TMEM132B: variants seen among roughly 807,000 people sequenced by gnomAD.
The protein encoded by TMEM132B is transmembrane protein 132B.
Under a neutral mutation model 90.8 loss-of-function variants are expected in TMEM132B, and 18 were observed. The ratio of observed to expected loss-of-function variants is 0.20; its 90% CI spans 0.14 to 0.29. The LOEUF is 0.29. Among genes scored for constraint, TMEM132B ranks in the 10% least tolerant of loss-of-function variants. The pLI is 1.00. For missense variants in TMEM132B, 1,096 were observed against 1,326.8 expected (o/e 0.83, Z 2.70); for synonymous variants, 504 against 523.3 (o/e 0.96, Z 0.50).
rs1224316180 is a variant in TMEM132B, at chr12:125,406,102, T to A, written c.960-9429T>A. 2.0e-5 allele frequency among the ~76,000 whole-genome samples: 3 copies of A among 152,246 alleles called. No individual in the cohort carries two copies. The highest frequency in any genetic ancestry group is 4.4e-5 in the Non-Finnish European group (3 of 68,038). On this transcript the variant is annotated intron_variant, in intron 2 of 8. Transcript: ENST00000682704. This position sits in a 1 kb window ranked among gnomAD's most constrained non-coding sequence, Gnocchi z 8.3. Reference sequence around the variant, plus strand: ...TTCCACTGTGGGCTGTTTGGTTAACTCAAACGTTAGTAGATATGCTTAACT... The same window carrying A: ...TTCCACTGTGGGCTGTTTGGTTAACACAAACGTTAGTAGATATGCTTAACT...
At position 125,517,326 on chromosome 12, in the gene TMEM132B, GATTTTTTTTTTTTTTTTTTTTT is replaced by G. The variant is rs1173266191; in HGVS notation, c.1107-2112_1107-2091del. On this transcript the variant is annotated intron_variant, in intron 3 of 8. Coordinates refer to ENST00000682704, the MANE Select transcript of TMEM132B (RefSeq NM_001366854.1). Reference sequence around the variant, plus strand: ...CAGGCGCCCGCCACCATGCCCTGCTGATTTTTTTTTTTTTTTTTTTTTTTTTTTTTTTTTTTTTTGCATTTTT... The same window carrying G: ...CAGGCGCCCGCCACCATGCCCTGCTGTTTTTTTTTTTTTTTTTGCATTTTT... Among the ~76,000 whole-genome samples the G allele has an allele frequency of 1.0e-3, 88 of 88,014 alleles. 5 individuals carry two copies. Among genetic ancestry groups the G allele is most frequent in the African/African-American group, 1.8e-3 (46 of 26,000 alleles). The allele number at this position is 88,014 out of a possible 152,430, so 57.7% of individuals were successfully genotyped here.
Position 125,653,926 on chromosome 12 carries a change from T to A in TMEM132B, c.2468T>A (p.Ile823Lys), listed in dbSNP as rs754236184. The stretch of plus-strand genomic sequence containing the variant: ...TATAAAGACCACCTCAGTAATTCCA[T>A]AGAGCGCGAAGGAAACCAGGAGAGA... ...REYKDHLSNS[I>K]EREGNQERAV... Residue 823 changes from isoleucine to lysine, a missense_variant, in exon 9 of 9, where the codon ATA becomes AAA. Coordinates refer to ENST00000682704, the MANE Select transcript of TMEM132B (RefSeq NM_001366854.1). 1.9e-6 allele frequency: 3 copies of A among 1,614,090 alleles called. No individual in the cohort carries two copies. The South Asian group carries it at 3.3e-5, about 18-fold the overall frequency.
intron 3 of TMEM132B, among the ~76,000 whole-genome samples, chr12:125,514,588 G>T (rs1883060173): frequency 6.6e-6 from 1 of 152,162 alleles, no homozygotes; most frequent in African/African-American, 2.4e-5. Flanking sequence ...ATTCCCATGT[G>T]GGGAAAGTGT....
chr12:125,233,874 G>A (rs1403042726), intron 1 of TMEM132B, among the ~76,000 whole-genome samples: 3 of 152,146 alleles, frequency 2.0e-5, no homozygotes, highest in Non-Finnish European at 4.4e-5. Context: ...CTGCCTCCCC[G>A]TAGATCCTGG....
chr12:125,598,321 C>T (rs777172644), intron 5 of TMEM132B, among the ~76,000 whole-genome samples: 16 of 152,152 alleles, frequency 1.1e-4, no homozygotes, highest in Admixed American at 2.0e-4. Context: ...AGAGGTGACA[C>T]GTGTTCATTG....
intron 1 of TMEM132B, among the ~76,000 whole-genome samples, chr12:125,228,818 C>T (rs571184621): frequency 9.2e-5 from 14 of 152,318 alleles, no homozygotes; most frequent in African/African-American, 3.4e-4. Flanking sequence ...AATCACTTCC[C>T]TGTTTTCCAG....
intron 2 of TMEM132B, among the ~76,000 whole-genome samples, chr12:125,381,153 C>G (rs1273951555): frequency 6.6e-6 from 1 of 152,208 alleles, no homozygotes; most frequent in Non-Finnish European, 1.5e-5. Context: ...TGTTGAGCCC[C>G]TGTGGTTGAG....
chr12:125,297,478 A>G (rs997900539), intron 1 of TMEM132B, among the ~76,000 whole-genome samples: 1 of 152,210 alleles, frequency 6.6e-6, no homozygotes, highest in Non-Finnish European at 1.5e-5. Context: ...CAAGTTTTAG[A>G]AAGCAGAGCA....
intron 2 of TMEM132B, among the ~76,000 whole-genome samples, chr12:125,377,337 A>G (rs1349187409): frequency 6.6e-6 from 1 of 152,224 alleles, no homozygotes; most frequent in African/African-American, 2.4e-5. Flanking sequence ...GGAAGCCCAC[A>G]TCAGAGGGCA....
intron 4 of TMEM132B, among the ~76,000 whole-genome samples, chr12:125,520,899 T>A (rs1883290845): frequency 6.6e-6 from 1 of 152,190 alleles, no homozygotes; most frequent in Non-Finnish European, 1.5e-5. Context: ...GGTCATTTAG[T>A]TTTTGAAGAT....
intron 4 of TMEM132B, among the ~76,000 whole-genome samples, chr12:125,559,660 G>C (rs11058243): frequency 6.6e-6 from 1 of 152,066 alleles, no homozygotes; most frequent in East Asian, 1.9e-4. Context: ...TGGTGTGAGC[G>C]GCATGGTGGC....
In TMEM132B at chr12:125,238,389, A is replaced by C. The variant is rs567287519; in HGVS notation, c.67+51523A>C. 4.0e-3 allele frequency among the ~76,000 whole-genome samples: 556 copies of C among 138,866 alleles called. 26 individuals are homozygous for C. The highest frequency in any genetic ancestry group is 0.015 in the African/African-American group (539 of 36,354). The allele number at this position is 138,866 out of a possible 152,430, so 91.1% of individuals were successfully genotyped here. On this transcript the variant is annotated intron_variant, in intron 1 of 8. Transcript: ENST00000682704. ...ACCAAAAAAAAAACAAAAAAAAACCAAAAAAACAAAAACGCAGTCTCAGAT... is the reference window on the plus strand; with the variant it reads ...ACCAAAAAAAAAACAAAAAAAAACCCAAAAAACAAAAACGCAGTCTCAGAT...
chr12:125,216,929 G>A (rs1356591904), intron 1 of TMEM132B, among the ~76,000 whole-genome samples: 2 of 152,212 alleles, frequency 1.3e-5, no homozygotes, highest in Admixed American at 6.5e-5. Flanking sequence ...GTGGCCACTG[G>A]CTGCGATCTT....
intron 1 of TMEM132B, among the ~76,000 whole-genome samples, chr12:125,297,919 G>A (rs1875712342): frequency 6.6e-6 from 1 of 152,080 alleles, no homozygotes; most frequent in African/African-American, 2.4e-5. Flanking sequence ...TTTCTCCGCT[G>A]GACCATTCCC....
chr12:125,389,593 A>AT (rs1878950218), intron 2 of TMEM132B, among the ~76,000 whole-genome samples: 1 of 152,112 alleles, frequency 6.6e-6, no homozygotes, highest in South Asian at 2.1e-4. Flanking sequence ...TGGAGTTGTT[A>AT]TGATAATTAA....
At chr12:125,504,708 A>C (rs957191346) in intron 3 of TMEM132B, among the ~76,000 whole-genome samples, 5 of 152,296 alleles carry the variant, frequency 3.3e-5, no homozygotes, top group Middle Eastern at 3.4e-3. Context: ...GAGAGTAACC[A>C]AAAGCAGCAG....
intron 5 of TMEM132B, among the ~76,000 whole-genome samples, chr12:125,601,081 A>T (rs879338717): frequency 6.6e-6 from 1 of 152,220 alleles, no homozygotes; most frequent in Non-Finnish European, 1.5e-5. Flanking sequence ...TAAAAAGGAT[A>T]TGCAGGACTT....
chr12:125,233,205 G>A (rs149305429), intron 1 of TMEM132B, among the ~76,000 whole-genome samples: 2 of 152,310 alleles, frequency 1.3e-5, no homozygotes, highest in African/African-American at 4.8e-5. Flanking sequence ...AAGTAGGTTT[G>A]GATGTGTGTA....
intron 2 of TMEM132B, among the ~76,000 whole-genome samples, chr12:125,395,679 T>C (rs1879150015): frequency 1.3e-5 from 2 of 152,196 alleles, no homozygotes; most frequent in Non-Finnish European, 2.9e-5. Flanking sequence ...GAACTTTTGA[T>C]TGCAAATAGA....
Sources: gnomAD v4.1 joint callset for allele counts (sites outside exome capture counted in the v4.1 genomes callset) on GRCh38, gnomAD v4.1.1 for gene constraint, Gnocchi (gnomAD v3.1) non-coding constraint, MANE v1.5 for transcripts, NCBI Gene and HGNC (gene_info 2026-07-23, HGNC 2026-07-21) for gene names.